Variants in AGFG2 observed in about 807,000 individuals in gnomAD.
AGFG2 encodes ArfGAP with FG repeats 2.
In AGFG2, 31 loss-of-function variants were observed where a neutral mutation model predicts 48.0. The observed-to-expected ratio is 0.65, with a 90% CI of 0.49 to 0.87. The LOEUF (loss-of-function observed/expected upper bound fraction) is 0.87, where lower values mean the gene tolerates loss of function less well. Ranked by LOEUF, AGFG2 falls within the 40% of genes least tolerant of loss-of-function variation. AGFG2 has a pLI of 0.00. For missense variants in AGFG2, 599 were observed against 632.6 expected (o/e 0.95, Z 0.57); for synonymous variants, 229 against 260.8 (o/e 0.88, Z 1.18).
Position 100,555,661 on chromosome 7 carries a change from G to A in AGFG2, c.803G>A (p.Gly268Asp), listed in dbSNP as rs1800744878. 6.2e-7 allele frequency: 1 copy of A among 1,613,908 alleles called. No individual in the cohort carries two copies. The highest frequency in any genetic ancestry group is 1.3e-5 in the African/African-American group (1 of 74,886). ...GFANFDAFSSGPSSSVFGSLP... is the reference protein window; with the variant it reads ...GFANFDAFSSDPSSSVFGSLP... Reference sequence around the variant, plus strand: ...GCCAACTTTGATGCCTTTAGCAGTGGCCCCAGCTCTTCTGTGTTTGGAAGC... The same window carrying A: ...GCCAACTTTGATGCCTTTAGCAGTGACCCCAGCTCTTCTGTGTTTGGAAGC... The change falls in exon 6 of 12, where the codon GGC becomes GAC. Residue 268 changes from glycine to aspartate, a missense_variant. Physicochemically the swap from Gly to Asp is moderately conservative, Grantham distance 94. Transcript: ENST00000300176.
chr7:100,551,559 C>T (rs1026052070), intron 3 of AGFG2, among the ~76,000 whole-genome samples: 2 of 151,414 alleles, frequency 1.3e-5, no homozygotes, highest in Non-Finnish European at 2.9e-5. Context: ...ATTCTGCAAC[C>T]ATGGATCCAA....
Position 100,548,808 on chromosome 7 carries a change from T to C in AGFG2, c.222-14T>C. The C allele has an allele frequency of 6.3e-7, 1 of 1,596,196 alleles. No homozygotes were observed. The highest frequency in any genetic ancestry group is 8.6e-7 in the Non-Finnish European group (1 of 1,163,940). ...TGCATTATACTTCTCTTTCTTCCTG[T>C]TTCTCTCCCATAGGAGAGGGCTGAA... is the stretch of plus-strand genomic sequence containing the variant. On this transcript the variant is annotated splice_polypyrimidine_tract_variant and intron_variant, in intron 1 of 11. Coordinates refer to ENST00000300176, the MANE Select transcript of AGFG2 (RefSeq NM_006076.5).
intron 1 of AGFG2, among the ~76,000 whole-genome samples, chr7:100,544,301 T>C (rs1285331037): frequency 6.6e-6 from 1 of 152,194 alleles, no homozygotes; most frequent in Non-Finnish European, 1.5e-5. Flanking sequence ...AACTTTACTG[T>C]GATCACAGGA....
rs760269265 is a variant in AGFG2, at chr7:100,564,228, C to A, written c.1311C>A (p.Phe437Leu). The change falls in exon 11 of 12, where the codon TTC becomes TTA. Residue 437 changes from phenylalanine to leucine, a missense_variant. Phe to Leu is a conservative substitution (Grantham distance 22). Transcript: ENST00000300176. ...PLVQQQNGSSFGDLGSAKLGQ... is the reference protein window; with the variant it reads ...PLVQQQNGSSLGDLGSAKLGQ... Reference sequence around the variant, plus strand: ...GCTCTCGCCCCCTAGGCTCTTCCTTCGGGGACTTAGGATCAGCCAAGTTGG... The same window carrying A: ...GCTCTCGCCCCCTAGGCTCTTCCTTAGGGGACTTAGGATCAGCCAAGTTGG... 3 of 1,612,216 alleles carry A rather than the reference C, an allele frequency of 1.9e-6. No homozygotes were observed. In the African/African-American group the frequency reaches 4.0e-5, roughly 22 times the overall value.
At chr7:100,545,571 T>C (rs1468065155) in intron 1 of AGFG2, among the ~76,000 whole-genome samples, 3 of 152,224 alleles carry the variant, frequency 2.0e-5, no homozygotes, top group South Asian at 2.1e-4. Context: ...CTAGTAATAA[T>C]GTACTTTCCA....
At position 100,567,428 on chromosome 7, in the gene AGFG2, G is replaced by A. The variant is rs757886165; in HGVS notation, c.*2437G>A. The A allele has an allele frequency of 3.9e-5, 6 of 152,812 alleles. No homozygotes were observed. The highest frequency in any genetic ancestry group is 7.2e-5 in the African/African-American group (3 of 41,470). 9.5% of individuals were successfully genotyped at this position (152,812 alleles called of 1,614,324 possible). On this transcript the variant is annotated 3_prime_UTR_variant, in exon 12 of 12. Transcript: ENST00000300176. ...AACTTCTGGCCAATGCAGGGACCAT[G>A]CTCTGCAGACAGCAGTCCTCTAGCA...
At chr7:100,539,896 A>C (rs1231033663) in intron 1 of AGFG2, among the ~76,000 whole-genome samples, 5 of 151,914 alleles carry the variant, frequency 3.3e-5, no homozygotes, top group African/African-American at 1.2e-4. Flanking sequence ...GATGGAAGGG[A>C]ACTCGGAGTG....
chr7:100,551,106 G>T (rs1800634679), intron 3 of AGFG2, among the ~76,000 whole-genome samples: 2 of 120,230 alleles, frequency 1.7e-5, no homozygotes, highest in African/African-American at 3.3e-5. Flanking sequence ...GTCTCGCTCT[G>T]TCACCCAGGC....
chr7:100,550,330 A>AAT, intron 2 of AGFG2, 66 bp from the exon 3 acceptor site: 20 of 770,238 alleles, frequency 2.6e-5, no homozygotes, highest in Non-Finnish European at 3.4e-5. Flanking sequence ...AAAAAAAAAA[A>AAT]GGAAGTGGTA....
chr7:100,552,692 CACTT>C (rs1800671403), intron 3 of AGFG2, among the ~76,000 whole-genome samples: 1 of 152,174 alleles, frequency 6.6e-6, no homozygotes, highest in Non-Finnish European at 1.5e-5. Flanking sequence ...ATTAAGCTGA[CACTT>C]ACAGAGTAGG....
chr7:100,562,346 G>C lies in AGFG2; in HGVS notation c.965G>C (p.Gly322Ala). ...CTCGCAGACGTGGGCAGCTTCCTGG[G>C]ACCCGGGGTGCCCGCTGCAGGTGTT... The part of the protein sequence containing the change: ...NSLADVGSFL[G>A]PGVPAAGVPS... The change falls in exon 7 of 12, where the codon GGA becomes GCA. Residue 322 changes from glycine (G) to alanine (A), a missense_variant. Coordinates refer to ENST00000300176, the MANE Select transcript of AGFG2 (RefSeq NM_006076.5). This position sits in a 1 kb window ranked among gnomAD's most constrained non-coding sequence, Gnocchi z 5.4. 1 of 1,614,086 alleles carries C rather than the reference G, an allele frequency of 6.2e-7. No individual in the cohort carries two copies. Among genetic ancestry groups the C allele is most frequent in the Non-Finnish European group, 8.5e-7 (1 of 1,179,996 alleles).
chr7:100,550,461 T>C lies in AGFG2; in HGVS notation c.381T>C (p.Asp127=). 6.2e-7 allele frequency: 1 copy of C among 1,614,146 alleles called. No homozygotes were observed. Among genetic ancestry groups the C allele is most frequent in the Non-Finnish European group, 8.5e-7 (1 of 1,180,030 alleles). ...ARTSLVPDSR[D]PQKVKEFLQE... is the part of the protein sequence containing the mutation. ...CATCTTTAGTACCAGATTCCAGGGA[T>C]CCTCAGAAAGTGAAGGAGTTTCTCC... The change falls in exon 3 of 12, where the codon GAT becomes GAC. Residue 127 remains aspartate, a synonymous_variant. Coordinates refer to ENST00000300176, the MANE Select transcript of AGFG2 (RefSeq NM_006076.5).
At position 100,562,475 on chromosome 7, in the gene AGFG2, C is replaced by A; in HGVS notation, c.998+96C>A. ...GCCCCATCGGCATCTCCTGGCAGTT[C>A]TCCCCTCCCCTCCTCTCCCTTACTC... On this transcript the variant is annotated intron_variant, in intron 7 of 11. Transcript: ENST00000300176. The surrounding 1 kb of genome is among the most constrained non-coding windows in gnomAD (Gnocchi z 5.4). 1 of 1,595,988 alleles carries A rather than the reference C, an allele frequency of 6.3e-7. No individual in the cohort carries two copies. The highest frequency in any genetic ancestry group is 8.5e-7 in the Non-Finnish European group (1 of 1,170,060).
At chr7:100,541,232 G>A (rs1456137947) in intron 1 of AGFG2, among the ~76,000 whole-genome samples, 6 of 152,136 alleles carry the variant, frequency 3.9e-5, no homozygotes, top group South Asian at 2.1e-4. Context: ...TCAAGATACC[G>A]TTTGGAATTA....
intron 5 of AGFG2, among the ~76,000 whole-genome samples, chr7:100,555,085 C>G (rs1800729752): frequency 6.6e-6 from 1 of 152,012 alleles, no homozygotes; most frequent in Non-Finnish European, 1.5e-5. Flanking sequence ...GCCCTGGGTG[C>G]CCCTGTTCCC....
intron 3 of AGFG2, among the ~76,000 whole-genome samples, chr7:100,551,689 G>T (rs1216191138): frequency 6.6e-6 from 1 of 150,574 alleles, no homozygotes. Flanking sequence ...TTCGAGACTA[G>T]CCTGGCCAAC....
At chr7:100,551,885 CAAAAAA>C (rs59484677) in intron 3 of AGFG2, among the ~76,000 whole-genome samples, 37 of 16,850 alleles carry the variant, frequency 2.2e-3, no homozygotes, top group African/African-American at 7.8e-3. Flanking sequence ...GAGACTGTCT[CAAAAAA>C]AAAAAAAAAA....
intron 1 of AGFG2, among the ~76,000 whole-genome samples, chr7:100,547,019 G>A (rs1800523411): frequency 3.9e-5 from 6 of 152,120 alleles, no homozygotes; most frequent in Admixed American, 3.9e-4. Context: ...TATACCTAAA[G>A]GTCTAGCAGC....
intron 1 of AGFG2, 137 bp downstream of exon 1, chr7:100,539,704 G>A (rs939601493): frequency 1.8e-5 from 12 of 673,668 alleles, no homozygotes; most frequent in Non-Finnish European, 2.5e-5. Flanking sequence ...CGCCGGCTGT[G>A]GGGACGGGGT....
Sources: allele counts gnomAD v4.1 joint callset (sites outside exome capture counted in the v4.1 genomes callset), GRCh38; gene constraint gnomAD v4.1.1; non-coding constraint Gnocchi (gnomAD v3.1); transcripts MANE v1.5; gene names NCBI Gene and HGNC (gene_info 2026-07-23, HGNC 2026-07-21).